PPL: variants seen among roughly 807,000 people sequenced by gnomAD.
PPL encodes the protein 190 kDa paraneoplastic pemphigus antigen.
PPL carries 198 observed loss-of-function variants against 194.4 expected under a neutral mutation model. The observed-to-expected ratio is 1.02, with a 90% CI of 0.91 to 1.15. The LOEUF is 1.15. Ranked by LOEUF, PPL falls within the 50% of genes most tolerant of loss-of-function variation. The pLI, the probability that PPL is intolerant of heterozygous loss-of-function variation, is 0.00. For missense variants in PPL, 2,885 were observed against 2,294.8 expected (o/e 1.26, Z -5.25); for synonymous variants, 1,220 against 972.4 (o/e 1.25, Z -4.74).
chr16:4,909,217 G>A (rs942400930), intron 2 of PPL, among the ~76,000 whole-genome samples: 1 of 152,036 alleles, frequency 6.6e-6, no homozygotes, highest in Non-Finnish European at 1.5e-5. Flanking sequence ...CTACACCCCC[G>A]TGGACTGTGC....
intron 1 of PPL, among the ~76,000 whole-genome samples, chr16:4,915,522 G>A (rs2088900494): frequency 1.3e-5 from 2 of 152,204 alleles, no homozygotes; most frequent in Admixed American, 6.5e-5. Context: ...CCCCTTTGAA[G>A]AAGGGGATGA....
At chr16:4,889,395 C>G (rs1259491907) in intron 18 of PPL, among the ~76,000 whole-genome samples, 1 of 151,594 alleles carries the variant, frequency 6.6e-6, no homozygotes, top group Non-Finnish European at 1.5e-5. Context: ...GCTGGGACTA[C>G]AGGCTCCTGC....
chr16:4,889,930 A>C (rs1288789429), intron 18 of PPL, among the ~76,000 whole-genome samples: 1 of 152,196 alleles, frequency 6.6e-6, no homozygotes, highest in East Asian at 1.9e-4. Flanking sequence ...CACATAGCCA[A>C]CCCACGCCAA....
At position 4,884,926 on chromosome 16, in the gene PPL, C is replaced by G; in HGVS notation, c.3729G>C (p.Glu1243Asp). ...KEVIKYKTDP[E>D]MEKELQRLRE... ...TGAGCCGCTGAAGCTCCTTCTCCATCTCAGGGTCAGTCTTGTACTTAATGA... is the reference window on the plus strand; with the variant it reads ...TGAGCCGCTGAAGCTCCTTCTCCATGTCAGGGTCAGTCTTGTACTTAATGA... The change falls in exon 22 of 22, where the codon GAG becomes GAC. Residue 1243 changes from glutamate (E) to aspartate (D), a missense_variant. By Grantham distance (45) the Glu-to-Asp change is conservative. Transcript: ENST00000345988. The surrounding 1 kb of genome is among the most constrained non-coding windows in gnomAD (Gnocchi z 5.7). 6.2e-7 allele frequency: 1 copy of G among 1,614,208 alleles called. No individual in the cohort carries two copies. Among genetic ancestry groups the G allele is most frequent in the Non-Finnish European group, 8.5e-7 (1 of 1,180,034 alleles).
At chr16:4,923,702 C>T (rs80353026) in intron 1 of PPL, among the ~76,000 whole-genome samples, 56 of 152,252 alleles carry the variant, frequency 3.7e-4, no homozygotes, top group African/African-American at 1.3e-3. Flanking sequence ...TCCTTAGTCT[C>T]TCTGTGCCTC....
Position 4,885,955 on chromosome 16 carries a change from A to C in PPL, c.2700T>G (p.Asp900Glu). The change falls in exon 22 of 22, where the codon GAT becomes GAG. Residue 900 changes from aspartate (D) to glutamate (E), a missense_variant. By Grantham distance (45) the Asp-to-Glu change is conservative. Transcript: ENST00000345988. This position sits in a 1 kb window ranked among gnomAD's most constrained non-coding sequence, Gnocchi z 6.3. ...GCTGCCGCCTCCGCTCAGTCTCCTCATCCAGTTCCTTCCTGATCTTCCACG... is the reference window on the plus strand; with the variant it reads ...GCTGCCGCCTCCGCTCAGTCTCCTCCTCCAGTTCCTTCCTGATCTTCCACG... ...EEAWKIRKEL[D>E]EETERRRQLE... 6.2e-7 allele frequency: 1 copy of C among 1,613,588 alleles called. No individual in the cohort carries two copies. Among genetic ancestry groups the C allele is most frequent in the Non-Finnish European group, 8.5e-7 (1 of 1,180,018 alleles).
At chr16:4,897,101 G>A (rs1334993709) in intron 9 of PPL, among the ~76,000 whole-genome samples, 2 of 151,714 alleles carry the variant, frequency 1.3e-5, no homozygotes, top group African/African-American at 4.8e-5. Flanking sequence ...TTAGGAGGCC[G>A]AGGCGGGAGG....
chr16:4,888,214 T>C lies in PPL; in HGVS notation c.2402A>G (p.Tyr801Cys), dbSNP rs773719405. 5.0e-6 allele frequency: 8 copies of C among 1,594,960 alleles called. No individual in the cohort carries two copies. The East Asian group carries it at 8.9e-5, about 18-fold the overall frequency. The change falls in exon 20 of 22, where the codon TAT (tyrosine) becomes TGT (cysteine). Residue 801 changes from tyrosine (Y) to cysteine (C), a missense_variant. Physicochemically the swap from Tyr to Cys is radical, Grantham distance 194. Coordinates refer to ENST00000345988, the MANE Select transcript of PPL (RefSeq NM_002705.5). ...SQQYQQAVKD[Y>C]ELEAEKLRSL... Reference sequence around the variant, plus strand: ...CCTTAGTTTTTCTGCTTCTAACTCATAGTCCTGCATGAGGGAGAGACATGG... The same window carrying C: ...CCTTAGTTTTTCTGCTTCTAACTCACAGTCCTGCATGAGGGAGAGACATGG...
chr16:4,930,464 G>A (rs1212020559), intron 1 of PPL, among the ~76,000 whole-genome samples: 2 of 152,186 alleles, frequency 1.3e-5, no homozygotes, highest in South Asian at 2.1e-4. Context: ...GGTGTGAAGC[G>A]CAGGGCAATG....
intron 21 of PPL, among the ~76,000 whole-genome samples, chr16:4,886,649 C>T (rs112801734): frequency 0.073 from 11,160 of 152,236 alleles, 421 homozygotes; most frequent in African/African-American, 0.097. Context: ...GACAGAGTCT[C>T]GCTCTGTTGC....
At chr16:4,924,015 G>A (rs2089106224) in intron 1 of PPL, among the ~76,000 whole-genome samples, 1 of 152,108 alleles carries the variant, frequency 6.6e-6, no homozygotes, top group South Asian at 2.1e-4. Context: ...ACATAAATGG[G>A]GTTATCATGC....
At chr16:4,891,045 ACCGGAG>A in intron 16 of PPL, 124 bp from the exon 17 acceptor site, 1 of 802,358 alleles carries the variant, frequency 1.2e-6, no homozygotes. Context: ...GGTAGGAAGG[ACCGGAG>A]CCTTGCTCTG....
Position 4,889,018 on chromosome 16 carries a change from T to G in PPL, c.2357A>C (p.Lys786Thr). 6.2e-7 allele frequency: 1 copy of G among 1,613,772 alleles called. No homozygotes were observed. Among genetic ancestry groups the G allele is most frequent in the Non-Finnish European group, 8.5e-7 (1 of 1,179,900 alleles). ...EIASREQEVQ[K>T]ICANSQQYQQ... ...GTACTGCTGGGAATTGGCACAGATC[T>G]TCTGTACTTCCTGCTCCCTACTTGC... The change falls in exon 19 of 22, where the codon AAG (lysine) becomes ACG (threonine). Residue 786 changes from lysine (K) to threonine (T), a missense_variant. Physicochemically the swap from Lys to Thr is moderately conservative, Grantham distance 78 (BLOSUM62 -1). Transcript: ENST00000345988.
rs944685168 is a variant in PPL, at chr16:4,886,124, G to A, written c.2608-77C>T. On this transcript the variant is annotated intron_variant, in intron 21 of 21. Transcript: ENST00000345988. ...TAGGGCCTGTCCCCACCTGGTCAGA[G>A]TGGCTGTCCTGTGGTCCCCAAGGGA... 3.8e-6 allele frequency: 6 copies of A among 1,582,614 alleles called. No individual in the cohort carries two copies. In the Middle Eastern group the frequency reaches 5.1e-4, roughly 135 times the overall value.
At chr16:4,888,361 G>A in intron 19 of PPL, 143 bp from the exon 20 acceptor site, 1 of 614,118 alleles carries the variant, frequency 1.6e-6, no homozygotes. Flanking sequence ...CCTCACAGCT[G>A]CACCCTGCAG....
rs758497320 is a variant in PPL at position 4,884,367 on chromosome 16, G to A, written c.4288C>T (p.Leu1430=). The change falls in exon 22 of 22, where the codon CTG becomes TTG. Residue 1430 remains leucine (L), a synonymous_variant. Transcript: ENST00000345988. This position sits in a 1 kb window ranked among gnomAD's most constrained non-coding sequence, Gnocchi z 5.7. ...VQRLQQRLAA[L]EQEEAEAREK... Reference sequence around the variant, plus strand: ...CGGGCCTCAGCTTCTTCCTGCTCCAGCGCTGCCAGCCGCTGCTGCAACCGC... The same window carrying A: ...CGGGCCTCAGCTTCTTCCTGCTCCAACGCTGCCAGCCGCTGCTGCAACCGC... The A allele has an allele frequency of 6.2e-7, 1 of 1,612,054 alleles. No homozygotes were observed. Among genetic ancestry groups the A allele is most frequent in the Non-Finnish European group, 8.5e-7 (1 of 1,179,622 alleles).
intron 1 of PPL, among the ~76,000 whole-genome samples, chr16:4,921,392 C>T (rs1241821362): frequency 1.3e-5 from 2 of 152,120 alleles, no homozygotes; most frequent in African/African-American, 4.8e-5. Context: ...AGGGAGGGGG[C>T]CTGGGGGCCT....
intron 4 of PPL, 75 bp from the exon 5 acceptor site, chr16:4,901,164 T>A: frequency 3.3e-6 from 5 of 1,524,028 alleles, no homozygotes; most frequent in Non-Finnish European, 4.5e-6. Flanking sequence ...CCCAGGAGCC[T>A]CGGGGGTGGG....
At chr16:4,904,113 A>T in intron 2 of PPL, 73 bp from the exon 3 acceptor site, 3 of 1,488,094 alleles carry the variant, frequency 2.0e-6, no homozygotes, top group Non-Finnish European at 2.7e-6. Context: ...GAGGGGTGGG[A>T]GGAAAGGGGT....
Sources: allele counts gnomAD v4.1 joint callset (sites outside exome capture counted in the v4.1 genomes callset), GRCh38; gene constraint gnomAD v4.1.1; non-coding constraint Gnocchi (gnomAD v3.1); transcripts MANE v1.5; gene names NCBI Gene and HGNC (gene_info 2026-07-23, HGNC 2026-07-21).